Variants in MGST1 observed in about 807,000 individuals in gnomAD.
The protein encoded by MGST1 is microsomal glutathione S-transferase 1.
Under a neutral mutation model 8.9 loss-of-function variants are expected in MGST1, and 5 were observed. The ratio of observed to expected loss-of-function variants is 0.56; its 90% CI spans 0.29 to 1.19. The LOEUF (loss-of-function observed/expected upper bound fraction) is 1.19, where lower values mean the gene tolerates loss of function less well. Ranked by LOEUF, MGST1 falls within the 50% of genes most tolerant of loss-of-function variation. The pLI is 0.08. For missense variants in MGST1, 182 were observed against 187.4 expected (o/e 0.97, Z 0.17); for synonymous variants, 54 against 67.8 (o/e 0.80, Z 1.00).
At chr12:16,588,170 C>A (rs1707514125) in intron 4 of MGST1, among the ~76,000 whole-genome samples, 1 of 151,930 alleles carries the variant, frequency 6.6e-6, no homozygotes, top group African/African-American at 2.4e-5. Context: ...CATTTCCATG[C>A]ATTTTCTACT....
intron 4 of MGST1, among the ~76,000 whole-genome samples, chr12:16,579,382 T>C (rs569888646): frequency 1.3e-5 from 2 of 152,354 alleles, no homozygotes; most frequent in African/African-American, 2.4e-5. Flanking sequence ...ATGTGCCTGA[T>C]GCCACTGATG....
chr12:16,579,250 A>G (rs925238029), intron 4 of MGST1, among the ~76,000 whole-genome samples: 3 of 152,202 alleles, frequency 2.0e-5, no homozygotes, highest in Non-Finnish European at 4.4e-5. Context: ...CTGTTTTCCA[A>G]TAGAATTAGG....
chr12:16,437,227 A>G (rs1940994302), intron 1 of MGST1, among the ~76,000 whole-genome samples: 2 of 151,970 alleles, frequency 1.3e-5, no homozygotes, highest in Non-Finnish European at 2.9e-5. Context: ...GACTCTAATC[A>G]ACAAAAGGGT....
chr12:16,388,318 T>C (rs1044475718), intron 1 of MGST1, among the ~76,000 whole-genome samples: 1 of 152,030 alleles, frequency 6.6e-6, no homozygotes, highest in Admixed American at 6.5e-5. Flanking sequence ...TTATCACAAA[T>C]GGAGCTTGCA....
chr12:16,426,353 A>G (rs936970324), intron 1 of MGST1, among the ~76,000 whole-genome samples: 1 of 152,202 alleles, frequency 6.6e-6, no homozygotes, highest in African/African-American at 2.4e-5. Context: ...CAGAAATTCT[A>G]TATATTCATC....
At chr12:16,470,782 T>C (rs1248332630) in intron 4 of MGST1, among the ~76,000 whole-genome samples, 2 of 152,080 alleles carry the variant, frequency 1.3e-5, no homozygotes, top group African/African-American at 4.8e-5. Flanking sequence ...TATGAAAAAA[T>C]CAATAATAAA....
intron 4 of MGST1, among the ~76,000 whole-genome samples, chr12:16,462,901 G>C (rs140079170): frequency 6.6e-6 from 1 of 152,182 alleles, no homozygotes; most frequent in African/African-American, 2.4e-5. Flanking sequence ...TTCCTCTTAT[G>C]GTGAAGCTTT....
intron 4 of MGST1, among the ~76,000 whole-genome samples, chr12:16,579,173 G>T (rs1943085624): frequency 6.6e-6 from 1 of 151,858 alleles, no homozygotes; most frequent in Admixed American, 6.6e-5. Flanking sequence ...GCATTAAATT[G>T]TATATATATA....
At chr12:16,509,702 T>C (rs369019304) in intron 4 of MGST1, among the ~76,000 whole-genome samples, 1 of 152,320 alleles carries the variant, frequency 6.6e-6, no homozygotes. Context: ...TATAGGAGCA[T>C]GTAGTCTTCC....
intron 1 of MGST1, among the ~76,000 whole-genome samples, chr12:16,426,129 CAAA>C (rs1427445710): frequency 6.6e-6 from 1 of 152,142 alleles, no homozygotes; most frequent in East Asian, 1.9e-4. Context: ...CCCTGCTCAA[CAAA>C]ATGTCTCATT....
intron 4 of MGST1, chr12:16,549,062 A>T (rs1409322244): frequency 6.6e-6 from 1 of 152,156 alleles, no homozygotes; most frequent in Non-Finnish European, 1.5e-5. Flanking sequence ...ACCTTAAAAG[A>T]TCATCTGAAT....
chr12:16,414,523 C>T (rs967666456), intron 1 of MGST1, among the ~76,000 whole-genome samples: 1 of 151,742 alleles, frequency 6.6e-6, no homozygotes, highest in African/African-American at 2.4e-5. Flanking sequence ...TCACACCATT[C>T]TCCTGCCTCA....
At chr12:16,404,222 A>C (rs1940682126) in intron 1 of MGST1, among the ~76,000 whole-genome samples, 1 of 152,190 alleles carries the variant, frequency 6.6e-6, no homozygotes, top group African/African-American at 2.4e-5. Context: ...TTTCAGCTTT[A>C]TAGTCTATCT....
intron 4 of MGST1, among the ~76,000 whole-genome samples, chr12:16,510,142 G>C (rs766963745): frequency 4.6e-5 from 7 of 152,170 alleles, no homozygotes; most frequent in Non-Finnish European, 7.3e-5. Flanking sequence ...CTTCTACGTC[G>C]TGCAGTTTGG....
At chr12:16,438,035 C>T (rs1474237937) in exon 2 of MGST1, 1 of 151,936 alleles carries the variant, frequency 6.6e-6, no homozygotes, top group Non-Finnish European at 1.5e-5. Flanking sequence ...TTTGCCTGCT[C>T]TTGGAAGACA....
intron 4 of MGST1, among the ~76,000 whole-genome samples, chr12:16,524,509 G>A (rs1490738386): frequency 6.6e-6 from 1 of 152,030 alleles, no homozygotes; most frequent in Non-Finnish European, 1.5e-5. Context: ...TGTCTATAAA[G>A]AGAAGTTCCC....
At chr12:16,351,580 C>T (rs376745577) in intron 1 of MGST1, among the ~76,000 whole-genome samples, 7 of 152,028 alleles carry the variant, frequency 4.6e-5, no homozygotes, top group Non-Finnish European at 8.8e-5. Flanking sequence ...GAGGCTGAGG[C>T]GGGTGGATCA....
At position 16,559,302 on chromosome 12, in the gene MGST1, T is replaced by C. The variant is rs138268631; in HGVS notation, n.483-30226T>C. 4.3e-3 allele frequency among the ~76,000 whole-genome samples: 657 copies of C among 152,308 alleles called. 9 individuals are homozygous for C. The highest frequency in any genetic ancestry group is 0.014 in the African/African-American group (601 of 41,574). ...TCATATAAAACAGGTGCCAGTAGTATATAGTTTTCACAGAAATAAAAAATA... is the reference window on the plus strand; with the variant it reads ...TCATATAAAACAGGTGCCAGTAGTACATAGTTTTCACAGAAATAAAAAATA... On this transcript the variant is annotated intron_variant and non_coding_transcript_variant, in intron 4 of 4. Coordinates refer to the MGST1 transcript ENST00000538857. This position sits in a 1 kb window ranked among gnomAD's most constrained non-coding sequence, Gnocchi z 4.1.
chr12:16,399,333 C>T (rs1250613907), intron 1 of MGST1: 13 of 1,591,464 alleles, frequency 8.2e-6, no homozygotes, highest in South Asian at 5.5e-5. Flanking sequence ...GTTGGAACCA[C>T]GGTTAGAGCC....
Sources: gnomAD v4.1 joint callset for allele counts (sites outside exome capture counted in the v4.1 genomes callset) on GRCh38, gnomAD v4.1.1 for gene constraint, Gnocchi (gnomAD v3.1) non-coding constraint, MANE v1.5 for transcripts, NCBI Gene and HGNC (gene_info 2026-07-23, HGNC 2026-07-21) for gene names.